Variants in GSPT1 observed in about 807,000 individuals in gnomAD.
GSPT1 encodes the protein eukaryotic peptide chain release factor GTP-binding subunit ERF3A.
Under a neutral mutation model 72.5 loss-of-function variants are expected in GSPT1, and 20 were observed. The ratio of observed to expected loss-of-function variants is 0.28; its 90% confidence interval spans 0.19 to 0.40. The LOEUF (loss-of-function observed/expected upper bound fraction) is 0.40, where lower values mean the gene tolerates loss of function less well. GSPT1 is among the 10% of genes least tolerant of loss of function. The pLI is 1.00. For synonymous variants in GSPT1, 334 were observed against 293.5 expected (o/e 1.14, Z -1.41); for missense variants, 580 against 811.9 (o/e 0.71, Z 3.47).
intron 9 of GSPT1, among the ~76,000 whole-genome samples, chr16:11,885,782 C>T (rs1220473853): frequency 6.6e-6 from 1 of 152,000 alleles, no homozygotes; most frequent in Non-Finnish European, 1.5e-5. Context: ...GTCCCTACGA[C>T]TTGGGAGGCT....
upstream of GSPT1, among the ~76,000 whole-genome samples, chr16:11,916,590 T>C (rs1324821482): frequency 6.6e-6 from 1 of 152,250 alleles, no homozygotes; most frequent in African/African-American, 2.4e-5. Context: ...TGATTTCATT[T>C]TATGTAATCA....
rs1318880460 is a variant in GSPT1, at chr16:11,887,029, T to C, written c.958-98A>G. On this transcript the variant is annotated intron_variant, in intron 7 of 14. Coordinates refer to ENST00000434724, the MANE Select transcript of GSPT1 (RefSeq NM_002094.4). The stretch of plus-strand genomic sequence containing the variant: ...TTTCAGTTATATCACGAGTTTTTTT[T>C]TTTTTTTTTGCAAGAAAATAGAAGC... 4 of 995,726 alleles carry C rather than the reference T, an allele frequency of 4.0e-6. No individual in the cohort carries two copies. In the African/African-American group the frequency reaches 6.5e-5, roughly 16 times the overall value. 61.7% of individuals were successfully genotyped at this position (995,726 alleles called of 1,614,324 possible).
At chr16:11,914,070 T>C (rs1462254733) in intron 1 of GSPT1, among the ~76,000 whole-genome samples, 3 of 152,218 alleles carry the variant, frequency 2.0e-5, no homozygotes, top group South Asian at 2.1e-4. Flanking sequence ...TACAGAACTT[T>C]AAAGAGAGAA....
chr16:11,915,985 C>G (rs1035724383), upstream of GSPT1: 1 of 701,032 alleles, frequency 1.4e-6, no homozygotes, highest in African/African-American at 1.8e-5. Context: ...CCACCTCCGA[C>G]GGCCTCACAG....
intron 14 of GSPT1, 21 bp downstream of exon 14, chr16:11,875,740 C>G (rs372857360): frequency 6.4e-7 from 1 of 1,570,884 alleles, no homozygotes; most frequent in African/African-American, 1.4e-5. Flanking sequence ...TACTACTAGA[C>G]GTCAGTTTAA....
At chr16:11,899,544 T>C (rs1162390377) in intron 1 of GSPT1, among the ~76,000 whole-genome samples, 1 of 151,700 alleles carries the variant, frequency 6.6e-6, no homozygotes, top group Non-Finnish European at 1.5e-5. Flanking sequence ...GAGTAAAAGG[T>C]CTAAGATGAC....
At position 11,877,705 on chromosome 16, in the gene GSPT1, T is replaced by C; in HGVS notation, c.1429-125A>G. ...ATTTGACTGTAAACACTTATGTTTG[T>C]ATGACATAAAATCTTAGCCTAGATA... On this transcript the variant is annotated intron_variant, in intron 11 of 14. Coordinates refer to ENST00000434724, the MANE Select transcript of GSPT1 (RefSeq NM_002094.4). The surrounding 1 kb of genome is among the most constrained non-coding windows in gnomAD (Gnocchi z 4.0). 1.7e-6 allele frequency: 1 copy of C among 605,746 alleles called. No individual in the cohort carries two copies. The highest frequency in any genetic ancestry group is 2.8e-6 in the Non-Finnish European group (1 of 356,450). The allele number at this position is 605,746 out of a possible 1,614,324, so 37.5% of individuals were successfully genotyped here.
chr16:11,876,197 T>C (rs764230376), intron 12 of GSPT1, 22 bp from the exon 13 acceptor site: 31 of 1,414,070 alleles, frequency 2.2e-5, no homozygotes, highest in Non-Finnish European at 3.0e-5. Flanking sequence ...ACACACACAT[T>C]CTTATCTTTA....
chr16:11,888,832 A>G (rs1208917040), intron 6 of GSPT1, among the ~76,000 whole-genome samples: 3 of 152,228 alleles, frequency 2.0e-5, no homozygotes. Context: ...GCTTTTATAT[A>G]AACGCAGTCA....
intron 1 of GSPT1, chr16:11,903,921 G>A (rs1567449564): frequency 6.2e-6 from 1 of 162,314 alleles, no homozygotes; most frequent in Non-Finnish European, 1.4e-5. Context: ...TATATTCCAA[G>A]ATTACTTTAA....
At chr16:11,875,356 G>A (rs535577081) in intron 14 of GSPT1, among the ~76,000 whole-genome samples, 1 of 152,110 alleles carries the variant, frequency 6.6e-6, no homozygotes, top group African/African-American at 2.4e-5. Context: ...GTCACCCAGA[G>A]GTAGGCAGAA....
At position 11,869,407 on chromosome 16, in the gene GSPT1, T is replaced by A. The variant is rs1302599988; in HGVS notation, c.*3712A>T. ...AAGTTAGCTGCAAGAAATAAAAGCC[T>A]ATTATTTGGAGATAGATAATTGTCC... is the stretch of plus-strand genomic sequence containing the variant. On this transcript the variant is annotated 3_prime_UTR_variant, in exon 15 of 15. Coordinates refer to ENST00000434724, the MANE Select transcript of GSPT1 (RefSeq NM_002094.4). 6.6e-6 allele frequency: 1 copy of A among 152,222 alleles called. No individual in the cohort carries two copies. Among genetic ancestry groups the A allele is most frequent in the Non-Finnish European group, 1.5e-5 (1 of 68,036 alleles). The allele number at this position is 152,222 out of a possible 1,614,324, so 9.4% of individuals were successfully genotyped here. A position where few individuals can be genotyped will look rare whatever the true frequency, so the allele number is the denominator to read the frequency against.
At chr16:11,904,416 A>G (rs567508709) in intron 1 of GSPT1, among the ~76,000 whole-genome samples, 2 of 151,940 alleles carry the variant, frequency 1.3e-5, no homozygotes, top group African/African-American at 2.4e-5. Context: ...GTTGGCCAGG[A>G]TGGTCTCGAT....
intron 1 of GSPT1, among the ~76,000 whole-genome samples, chr16:11,910,989 CAGG>C (rs987766633): frequency 6.6e-6 from 1 of 152,154 alleles, no homozygotes; most frequent in Non-Finnish European, 1.5e-5. Flanking sequence ...TCAGCCATGG[CAGG>C]AGAAGTAACG....
Position 11,883,113 on chromosome 16 carries a change from A to G in GSPT1, c.1348-18T>C, listed in dbSNP as rs1440404688. On this transcript the variant is annotated intron_variant, in intron 10 of 14. Coordinates refer to ENST00000434724, the MANE Select transcript of GSPT1 (RefSeq NM_002094.4). ...CCCATATCCTGATCAAATGTAAAAT[A>G]AAATCCAGTTTCAGACTTCTTGGTG... 2 of 1,531,076 alleles carry G rather than the reference A, an allele frequency of 1.3e-6. No individual in the cohort carries two copies. Among genetic ancestry groups the G allele is most frequent in the Admixed American group, 1.7e-5 (1 of 59,788 alleles). The allele number at this position is 1,531,076 out of a possible 1,614,324, so 94.8% of individuals were successfully genotyped here. A position where few individuals can be genotyped will look rare whatever the true frequency, so the allele number is the denominator to read the frequency against.
rs571369964 is a variant in GSPT1, at chr16:11,915,754, G to A, written c.-34C>T. On this transcript the variant is annotated 5_prime_UTR_variant, in exon 1 of 15. Coordinates refer to ENST00000434724, the MANE Select transcript of GSPT1 (RefSeq NM_002094.4). ...GGGCCGTGTGTGTGGTGGACAGAGA[G>A]CGGGAAATGGAGGCAGGGGCGCCCG... 17 of 1,551,630 alleles carry A rather than the reference G, an allele frequency of 1.1e-5. No homozygotes were observed. The South Asian group carries it at 1.1e-4, about 10-fold the overall frequency.
rs750880587 is a variant in GSPT1, at chr16:11,886,765, A to G, written c.1112+12T>C. 82 of 1,610,630 alleles carry G rather than the reference A, an allele frequency of 5.1e-5. No individual in the cohort carries two copies. The highest frequency in any genetic ancestry group is 1.9e-5 in the Non-Finnish European group (22 of 1,177,380). Reference sequence around the variant, plus strand: ...ATCCCACTAACATAAAATACCAGACATCTACGCTCACCTCTCATTGCTCCA... The same window carrying G: ...ATCCCACTAACATAAAATACCAGACGTCTACGCTCACCTCTCATTGCTCCA... On this transcript the variant is annotated intron_variant, in intron 8 of 14. Coordinates refer to ENST00000434724, the MANE Select transcript of GSPT1 (RefSeq NM_002094.4).
intron 1 of GSPT1, among the ~76,000 whole-genome samples, chr16:11,910,027 T>C (rs1470085211): frequency 6.6e-6 from 1 of 152,080 alleles, no homozygotes; most frequent in African/African-American, 2.4e-5. Flanking sequence ...AGCCCAGGGA[T>C]TTGAAGTTAC....
At chr16:11,912,748 T>A (rs2054576569) in intron 1 of GSPT1, among the ~76,000 whole-genome samples, 1 of 152,210 alleles carries the variant, frequency 6.6e-6, no homozygotes. Context: ...ACATTAAGCC[T>A]TGTCTTCTAT....
Sources: gnomAD v4.1 joint callset for allele counts (sites outside exome capture counted in the v4.1 genomes callset) on GRCh38, gnomAD v4.1.1 for gene constraint, Gnocchi (gnomAD v3.1) non-coding constraint, MANE v1.5 for transcripts, NCBI Gene and HGNC (gene_info 2026-07-23, HGNC 2026-07-21) for gene names.